RPS6KA5: variants seen among roughly 807,000 people sequenced by gnomAD.
RPS6KA5 encodes the protein ribosomal protein S6 kinase A5.
RPS6KA5 carries 27 observed loss-of-function variants against 85.5 expected under a neutral mutation model. The observed-to-expected ratio is 0.32, with a 90% confidence interval of 0.23 to 0.44. RPS6KA5 has a LOEUF of 0.44. RPS6KA5 is among the 20% of genes least tolerant of loss of function. The pLI, the probability that RPS6KA5 is intolerant of heterozygous loss-of-function variation, is 1.00. For synonymous variants in RPS6KA5, 334 were observed against 348.2 expected (o/e 0.96, Z 0.46); for missense variants, 811 against 980.9 (o/e 0.83, Z 2.31).
At chr14:90,971,128 C>A (rs1298850555) in intron 3 of RPS6KA5, among the ~76,000 whole-genome samples, 2 of 152,036 alleles carry the variant, frequency 1.3e-5, no homozygotes, top group Non-Finnish European at 2.9e-5. Context: ...ACCAGCCTGG[C>A]CAGCATGGTG....
rs2032077791 is a variant in RPS6KA5 at position 90,852,853 on chromosome 14, C to T, written c.*19221G>A. On this transcript the variant is annotated 3_prime_UTR_variant, in exon 17 of 17. Coordinates refer to ENST00000614987, the MANE Select transcript of RPS6KA5 (RefSeq NM_004755.4). ...CATGCCATTCTCCTGTCTCAGCCTCCCCAGTAGCTGGGACTACAGGCGCCT... is the reference window on the plus strand; with the variant it reads ...CATGCCATTCTCCTGTCTCAGCCTCTCCAGTAGCTGGGACTACAGGCGCCT... 1 of 151,970 alleles carries T rather than the reference C, an allele frequency of 6.6e-6. No individual in the cohort carries two copies. Among genetic ancestry groups the T allele is most frequent in the Non-Finnish European group, 1.5e-5 (1 of 68,162 alleles). The allele number at this position is 151,970 out of a possible 1,614,324, so 9.4% of individuals were successfully genotyped here. A position where few individuals can be genotyped will look rare whatever the true frequency, so the allele number is the denominator to read the frequency against.
Position 90,870,940 on chromosome 14 carries a change from G to A in RPS6KA5, c.*1134C>T, listed in dbSNP as rs2033070532. 6.6e-6 allele frequency: 1 copy of A among 151,016 alleles called. No homozygotes were observed. The highest frequency in any genetic ancestry group is 1.5e-5 in the Non-Finnish European group (1 of 67,808). The allele number at this position is 151,016 out of a possible 1,614,324, so 9.4% of individuals were successfully genotyped here. A position where few individuals can be genotyped will look rare whatever the true frequency, so the allele number is the denominator to read the frequency against. On this transcript the variant is annotated 3_prime_UTR_variant, in exon 17 of 17. Transcript: ENST00000614987. ...TTCAGAACTTTTGAGCAATAAAAGT[G>A]CTCTGCATAAGTTTATAAAATATGC...
chr14:90,974,488 T>C (rs140741934), intron 3 of RPS6KA5, among the ~76,000 whole-genome samples: 55 of 152,358 alleles, frequency 3.6e-4, no homozygotes, highest in Non-Finnish European at 4.6e-4. Flanking sequence ...TGAAGTCTAT[T>C]TCTGCATCCC....
At chr14:90,984,999 G>A (rs1286067) in intron 2 of RPS6KA5, among the ~76,000 whole-genome samples, 2,140 of 151,540 alleles carry the variant, frequency 0.014, 62 homozygotes, top group African/African-American at 0.05. Context: ...GGAGTGCAAT[G>A]GCACGATCTT....
At chr14:90,943,603 C>A (rs2037709031) in intron 4 of RPS6KA5, among the ~76,000 whole-genome samples, 1 of 152,144 alleles carries the variant, frequency 6.6e-6, no homozygotes, top group African/African-American at 2.4e-5. Flanking sequence ...TGTTTTTCAT[C>A]CTACAACACC....
At chr14:90,982,880 G>A (rs1438212224) in intron 2 of RPS6KA5, among the ~76,000 whole-genome samples, 10 of 152,138 alleles carry the variant, frequency 6.6e-5, no homozygotes, top group South Asian at 4.1e-4. Flanking sequence ...TTGGGAGGCC[G>A]AGGCGGGCAG....
At chr14:91,048,858 T>C (rs1014229614) in intron 1 of RPS6KA5, among the ~76,000 whole-genome samples, 2 of 152,232 alleles carry the variant, frequency 1.3e-5, no homozygotes, top group African/African-American at 2.4e-5. Context: ...ATGATGTTAT[T>C]ATGTTAGATT....
intron 1 of RPS6KA5, among the ~76,000 whole-genome samples, chr14:91,009,561 T>C (rs1038592548): frequency 2.0e-5 from 3 of 152,158 alleles, no homozygotes; most frequent in African/African-American, 4.8e-5. Flanking sequence ...GGTATTTTAA[T>C]TATTGTAGCC....
chr14:90,880,491 T>C (rs1176455017), intron 14 of RPS6KA5, among the ~76,000 whole-genome samples: 1 of 152,258 alleles, frequency 6.6e-6, no homozygotes, highest in African/African-American at 2.4e-5. Context: ...CCAGTGTATG[T>C]ATACAGCACA....
intron 2 of RPS6KA5, among the ~76,000 whole-genome samples, chr14:90,993,942 G>A (rs1000961763): frequency 2.0e-5 from 3 of 151,502 alleles, no homozygotes; most frequent in African/African-American, 7.3e-5. Flanking sequence ...AGGCTGGAGT[G>A]TAGTGATGTG....
intron 12 of RPS6KA5, among the ~76,000 whole-genome samples, chr14:90,895,589 C>A (rs553326273): frequency 6.6e-6 from 1 of 152,070 alleles, no homozygotes; most frequent in South Asian, 2.1e-4. Flanking sequence ...GGATAATTTC[C>A]AAAAAATAAT....
At chr14:90,981,163 C>T (rs1412512084) in intron 2 of RPS6KA5, among the ~76,000 whole-genome samples, 3 of 152,216 alleles carry the variant, frequency 2.0e-5, no homozygotes, top group African/African-American at 7.2e-5. Context: ...AAGAGTGAAA[C>T]TTAGTCTGAA....
chr14:91,034,001 T>TG (rs1157034052), intron 1 of RPS6KA5, among the ~76,000 whole-genome samples: 1 of 152,156 alleles, frequency 6.6e-6, no homozygotes, highest in African/African-American at 2.4e-5. Context: ...CTATGCTGTA[T>TG]GCAGCATAAA....
At chr14:91,009,908 G>A (rs2041185538) in intron 1 of RPS6KA5, among the ~76,000 whole-genome samples, 1 of 152,128 alleles carries the variant, frequency 6.6e-6, no homozygotes, top group African/African-American at 2.4e-5. Context: ...CCAGAGAAGT[G>A]GTTCAACTAA....
intron 2 of RPS6KA5, among the ~76,000 whole-genome samples, chr14:90,993,902 T>G (rs1215224609): frequency 6.6e-6 from 1 of 152,152 alleles, no homozygotes; most frequent in East Asian, 1.9e-4. Flanking sequence ...TCTCTATCTA[T>G]TCTCTATTTT....
intron 14 of RPS6KA5, among the ~76,000 whole-genome samples, chr14:90,884,246 G>A (rs151195457): frequency 3.2e-4 from 49 of 152,290 alleles, no homozygotes; most frequent in Admixed American, 1.0e-3. Context: ...ATGGCTGTCT[G>A]CTACAGGGTT....
intron 1 of RPS6KA5, among the ~76,000 whole-genome samples, chr14:91,044,864 T>G: frequency 7.5e-6 from 1 of 133,530 alleles, no homozygotes; most frequent in African/African-American, 2.8e-5. Context: ...GAGCGAGACG[T>G]GTCAAAAAAA....
chr14:91,035,309 A>G (rs2042353285), intron 1 of RPS6KA5, among the ~76,000 whole-genome samples: 1 of 152,178 alleles, frequency 6.6e-6, no homozygotes, highest in Non-Finnish European at 1.5e-5. Context: ...TACCTGTCAT[A>G]GAAAAATAGA....
At chr14:91,020,904 T>C (rs2041745356) in intron 1 of RPS6KA5, among the ~76,000 whole-genome samples, 1 of 152,136 alleles carries the variant, frequency 6.6e-6, no homozygotes. Context: ...TCACTGGCAC[T>C]TCATCATCAT....
Sources: gnomAD v4.1 joint callset for allele counts (sites outside exome capture counted in the v4.1 genomes callset) on GRCh38, gnomAD v4.1.1 for gene constraint, MANE v1.5 for transcripts, NCBI Gene and HGNC (gene_info 2026-07-23, HGNC 2026-07-21) for gene names.